AGBL1: variants seen among roughly 807,000 people sequenced by gnomAD.
AGBL1 encodes the protein AGBL carboxypeptidase 1, also known as cytosolic carboxypeptidase 4.
In AGBL1, 130 loss-of-function variants were observed where a neutral mutation model predicts 118.9. The ratio of observed to expected loss-of-function variants is 1.09; its 90% CI spans 0.95 to 1.26. The LOEUF (loss-of-function observed/expected upper bound fraction) is 1.26, where lower values mean the gene tolerates loss of function less well. Among genes scored for constraint, AGBL1 ranks in the 50% most tolerant of loss-of-function variants. The pLI, the probability that AGBL1 is intolerant of heterozygous loss-of-function variation, is 0.00. For synonymous variants in AGBL1, 555 were observed against 478.9 expected, an observed-to-expected ratio of 1.16 and a Z score of -2.08; for missense variants, 1,584 against 1,298.1, an observed-to-expected ratio of 1.22 and a Z score of -3.38.
In AGBL1 at chr15:86,118,535, G is replaced by A. The variant is rs576007001; in HGVS notation, c.52-23469G>A. ...TTTCCTTTATTTGGTTGCTCTAGGA[G>A]CTTCTGTTTGAGTACAGCATTGGAG... On this transcript the variant is annotated intron_variant, in intron 1 of 22. Transcript: ENST00000614907. Among the ~76,000 whole-genome samples, 194 of 151,840 alleles carry A rather than the reference G, an allele frequency of 1.3e-3. 2 individuals carry two copies. The highest frequency in any genetic ancestry group is 3.5e-3 in the Middle Eastern group (1 of 288).
chr15:86,875,063 C>G (rs1332319099), intron 22 of AGBL1, among the ~76,000 whole-genome samples: 2 of 152,050 alleles, frequency 1.3e-5, no homozygotes, highest in African/African-American at 2.4e-5. Flanking sequence ...TTTAGAGGAG[C>G]TAAAAAATAC....
chr15:86,778,956 A>T (rs2078295576), intron 22 of AGBL1, among the ~76,000 whole-genome samples: 1 of 152,212 alleles, frequency 6.6e-6, no homozygotes, highest in South Asian at 2.1e-4. Flanking sequence ...TGGGGAACTA[A>T]TAAATGTCTG....
chr15:86,840,276 CACAG>C (rs1356439702), intron 22 of AGBL1, among the ~76,000 whole-genome samples: 2 of 152,080 alleles, frequency 1.3e-5, no homozygotes, highest in Non-Finnish European at 2.9e-5. Flanking sequence ...GAGGGCAAGT[CACAG>C]ACAAATAAAT....
chr15:86,112,431 A>C (rs1897448691), intron 1 of AGBL1, among the ~76,000 whole-genome samples: 1 of 152,230 alleles, frequency 6.6e-6, no homozygotes, highest in Admixed American at 6.5e-5. Context: ...CACATTAATA[A>C]AAATGTCCTA....
intron 2 of AGBL1, 52 bp from the exon 3 acceptor site, chr15:86,143,646 AG>A (rs2141652475): frequency 1.3e-6 from 2 of 1,594,926 alleles, no homozygotes; most frequent in African/African-American, 2.7e-5. Flanking sequence ...TTCTGCTCCA[AG>A]GAAAATGGGG....
rs2077230472 is a variant in AGBL1, at chr15:86,158,998, T to A, written c.460T>A (p.Tyr154Asn). The A allele has an allele frequency of 6.2e-7, 1 of 1,613,270 alleles. No individual in the cohort carries two copies. Among genetic ancestry groups the A allele is most frequent in the South Asian group, 1.1e-5 (1 of 91,072 alleles). ...MELLFKVITP[Y>N]TRKRTQAIRA... The stretch of plus-strand genomic sequence containing the variant: ...ACTGCTTTTCAAGGTTATTACTCCT[T>A]ACACCCGAAAGCGCACCCAAGCAAT... Residue 154 changes from tyrosine (Y) to asparagine (N), a missense_variant, in exon 5 of 23, where the codon TAC becomes AAC. Tyr to Asn is a moderately radical substitution (Grantham distance 143). Transcript: ENST00000614907.
intron 22 of AGBL1, among the ~76,000 whole-genome samples, chr15:86,886,425 G>A (rs2079971862): frequency 6.6e-6 from 1 of 152,136 alleles, no homozygotes; most frequent in Non-Finnish European, 1.5e-5. Flanking sequence ...AATGAAAGCA[G>A]CAGAGATATT....
intron 18 of AGBL1, among the ~76,000 whole-genome samples, chr15:86,404,003 C>T (rs1475404682): frequency 1.3e-5 from 2 of 152,160 alleles, no homozygotes; most frequent in Non-Finnish European, 2.9e-5. Flanking sequence ...CACATCCATG[C>T]CCAAGGTTAT....
chr15:86,820,453 A>T (rs189826560), intron 22 of AGBL1, among the ~76,000 whole-genome samples: 54 of 152,130 alleles, frequency 3.5e-4, no homozygotes, highest in African/African-American at 1.3e-3. Context: ...CATGAGAAAC[A>T]ATCCCATCAA....
At chr15:86,568,053 C>T (rs2083942489) in intron 21 of AGBL1, among the ~76,000 whole-genome samples, 1 of 152,150 alleles carries the variant, frequency 6.6e-6, no homozygotes, top group Admixed American at 6.5e-5. Context: ...TCTCCTTATG[C>T]TCCCACTTTT....
chr15:86,101,943 A>C (rs1383062735), intron 1 of AGBL1, among the ~76,000 whole-genome samples: 1 of 151,502 alleles, frequency 6.6e-6, no homozygotes, highest in Non-Finnish European at 1.5e-5. Flanking sequence ...TGTATAGATG[A>C]AGAAACCTTT....
At chr15:86,481,406 C>T (rs1328448355) in intron 18 of AGBL1, among the ~76,000 whole-genome samples, 2 of 152,034 alleles carry the variant, frequency 1.3e-5, no homozygotes, top group African/African-American at 4.8e-5. Flanking sequence ...CTTACTACTG[C>T]CCTGTATTGA....
rs558012513 is a variant in AGBL1 at position 86,737,060 on chromosome 15, G to A, written c.3158+62624G>A. Among the ~76,000 whole-genome samples the A allele has an allele frequency of 3.3e-5, 5 of 152,288 alleles. No homozygotes were observed. The South Asian group carries it at 1.0e-3, about 32-fold the overall frequency. On this transcript the variant is annotated intron_variant, in intron 22 of 22. Coordinates refer to ENST00000614907, the MANE Select transcript of AGBL1 (RefSeq NM_001386094.1). ...CCCTGTACTGTGCTGAATGCTATGTGTAGAAGACACTGTGTTTGTGACACA... is the reference window on the plus strand; with the variant it reads ...CCCTGTACTGTGCTGAATGCTATGTATAGAAGACACTGTGTTTGTGACACA...
intron 5 of AGBL1, among the ~76,000 whole-genome samples, chr15:86,177,147 G>A (rs1242770052): frequency 6.6e-6 from 1 of 152,186 alleles, no homozygotes; most frequent in Admixed American, 6.5e-5. Flanking sequence ...AAGCTAGGAA[G>A]CTTTTTCTAA....
intron 19 of AGBL1, among the ~76,000 whole-genome samples, chr15:86,540,264 G>C (rs1388584886): frequency 6.6e-6 from 1 of 152,158 alleles, no homozygotes; most frequent in Non-Finnish European, 1.5e-5. Flanking sequence ...CAGTTACCCA[G>C]TAAATATTTG....
At chr15:86,868,901 CT>C (rs1185709721) in intron 22 of AGBL1, among the ~76,000 whole-genome samples, 1 of 152,180 alleles carries the variant, frequency 6.6e-6, no homozygotes, top group African/African-American at 2.4e-5. Flanking sequence ...ATGAATTAAA[CT>C]GCCTGTGCTT....
intron 20 of AGBL1, among the ~76,000 whole-genome samples, chr15:86,553,749 T>C (rs932561340): frequency 1.3e-5 from 2 of 152,180 alleles, no homozygotes; most frequent in Non-Finnish European, 2.9e-5. Context: ...AATGTATGTG[T>C]GCAGCCTTGG....
At chr15:86,772,570 G>A (rs891665228) in intron 22 of AGBL1, among the ~76,000 whole-genome samples, 30 of 152,148 alleles carry the variant, frequency 2.0e-4, no homozygotes, top group African/African-American at 5.8e-4. Flanking sequence ...AGATCACAGA[G>A]TCAAAGGTTA....
intron 21 of AGBL1, among the ~76,000 whole-genome samples, chr15:86,610,372 A>C (rs2084639783): frequency 6.6e-6 from 1 of 152,198 alleles, no homozygotes; most frequent in Non-Finnish European, 1.5e-5. Flanking sequence ...GCAACATCAA[A>C]TACTTCAAGA....
Sources: gnomAD v4.1 joint callset for allele counts (sites outside exome capture counted in the v4.1 genomes callset) on GRCh38, gnomAD v4.1.1 for gene constraint, MANE v1.5 for transcripts, NCBI Gene and HGNC (gene_info 2026-07-23, HGNC 2026-07-21) for gene names.